ORC4: variants seen among roughly 807,000 people sequenced by gnomAD.
ORC4 encodes the protein origin recognition complex, subunit 4 homolog.
Under a neutral mutation model 63.9 loss-of-function variants are expected in ORC4, and 55 were observed. That is an observed-to-expected ratio of 0.86 (90% CI 0.69 to 1.08). The LOEUF is 1.08. ORC4 is among the 50% of genes least tolerant of loss of function. The pLI is 0.00. For synonymous variants in ORC4, 150 were observed against 168.5 expected, an observed-to-expected ratio of 0.89 and a Z score of 0.85; for missense variants, 511 against 504.4, an observed-to-expected ratio of 1.01 and a Z score of -0.13.
At chr2:147,972,154 G>T (rs1211170505) in intron 4 of ORC4, among the ~76,000 whole-genome samples, 1 of 152,050 alleles carries the variant, frequency 6.6e-6, no homozygotes, top group Non-Finnish European at 1.5e-5. Flanking sequence ...AGGGAAATAA[G>T]TAAGAATATC....
chr2:147,997,382 T>C lies in ORC4; in HGVS notation c.-17-21407A>G, dbSNP rs570958106. 3.9e-5 allele frequency among the ~76,000 whole-genome samples: 6 copies of C among 152,258 alleles called. No individual in the cohort carries two copies. In the South Asian group the frequency reaches 1.2e-3, roughly 32 times the overall value. On this transcript the variant is annotated intron_variant, in intron 1 of 13. Coordinates refer to ENST00000392857, the MANE Select transcript of ORC4 (RefSeq NM_181741.4). ...ACAAAACAAAGAATGAATTTATTCA[T>C]ATGTTTGTCGTTTTTAAAGAAATAA...
chr2:147,964,864 A>C (rs1689808979), intron 4 of ORC4, among the ~76,000 whole-genome samples: 1 of 152,202 alleles, frequency 6.6e-6, no homozygotes, highest in Non-Finnish European at 1.5e-5. Flanking sequence ...AATATACAAC[A>C]GCAGATTTCT....
chr2:147,957,289 A>G (rs1024070225), intron 6 of ORC4, among the ~76,000 whole-genome samples: 2 of 149,004 alleles, frequency 1.3e-5, no homozygotes, highest in Non-Finnish European at 3.0e-5. Context: ...AATTTTATAG[A>G]TTGATTATTA....
At chr2:147,998,812 G>A (rs1692132895) in intron 1 of ORC4, among the ~76,000 whole-genome samples, 1 of 152,150 alleles carries the variant, frequency 6.6e-6, no homozygotes. Context: ...GAGGTGAGGA[G>A]AGATATGGGA....
chr2:147,952,436 A>T lies in ORC4; in HGVS notation c.525T>A (p.Asn175Lys). The change falls in exon 8 of 14, where the codon AAT (asparagine) becomes AAA (lysine). Residue 175 changes from asparagine (N) to lysine (K), a missense_variant. By Grantham distance (94) the Asn-to-Lys change is moderately conservative. Coordinates refer to ENST00000392857, the MANE Select transcript of ORC4 (RefSeq NM_181741.4). ...GTGCAGACTGAGAAATGTCAAAAAG[A>T]TTATAGAGAAGTGTTTGGTTTTTAT... ...AHHKNQTLLY[N>K]LFDISQSAQT... 1 of 1,610,814 alleles carries T rather than the reference A, an allele frequency of 6.2e-7. No individual in the cohort carries two copies. The highest frequency in any genetic ancestry group is 1.1e-5 in the South Asian group (1 of 91,014).
In ORC4 at chr2:147,931,375, A is replaced by G. The variant is rs1211037865; in HGVS notation, c.*4135T>C. 6.6e-6 allele frequency: 1 copy of G among 152,026 alleles called. No individual in the cohort carries two copies. The highest frequency in any genetic ancestry group is 2.4e-5 in the African/African-American group (1 of 41,384). 9.4% of individuals were successfully genotyped at this position (152,026 alleles called of 1,614,324 possible). ...ATAGTCCTTTGGGTATATACCCAGT[A>G]ATGGGATGGCTGGGTCAAATGGTGT... On this transcript the variant is annotated 3_prime_UTR_variant, in exon 14 of 14. Transcript: ENST00000392857.
chr2:148,016,887 G>C (rs184400184), intron 1 of ORC4, among the ~76,000 whole-genome samples: 1 of 152,126 alleles, frequency 6.6e-6, no homozygotes, highest in East Asian at 1.9e-4. Flanking sequence ...ACCAAAAACA[G>C]TGAAATGTTA....
intron 13 of ORC4, 135 bp from the exon 14 acceptor site, chr2:147,935,833 A>C (rs541775290): frequency 2.9e-6 from 2 of 687,594 alleles, no homozygotes; most frequent in African/African-American, 3.6e-5. Context: ...ACAACAATCA[A>C]TAGGATTAAA....
chr2:148,001,525 G>A (rs1301302162), intron 1 of ORC4, among the ~76,000 whole-genome samples: 3 of 152,048 alleles, frequency 2.0e-5, no homozygotes, highest in African/African-American at 7.2e-5. Flanking sequence ...CATAAGTGAA[G>A]GATAAATAAA....
intron 1 of ORC4, among the ~76,000 whole-genome samples, chr2:148,005,499 G>A (rs768102573): frequency 1.3e-5 from 2 of 151,762 alleles, no homozygotes; most frequent in Non-Finnish European, 2.9e-5. Context: ...AAACCTACAT[G>A]TTCTGCACAT....
At chr2:147,995,740 G>C (rs1463409051) in intron 1 of ORC4, among the ~76,000 whole-genome samples, 2 of 151,916 alleles carry the variant, frequency 1.3e-5, no homozygotes, top group Non-Finnish European at 2.9e-5. Flanking sequence ...CCAATGGAAG[G>C]AAGAAACTCC....
intron 13 of ORC4, chr2:147,936,616 G>A (rs1377723853): frequency 6.6e-6 from 1 of 152,134 alleles, no homozygotes; most frequent in Non-Finnish European, 1.5e-5. Context: ...GAAAATACTG[G>A]AGGCTGCAGG....
intron 1 of ORC4, among the ~76,000 whole-genome samples, chr2:148,014,335 T>A (rs1693140169): frequency 6.6e-6 from 1 of 152,180 alleles, no homozygotes; most frequent in South Asian, 2.1e-4. Context: ...GAATTCATGA[T>A]CTTAAAGTCT....
chr2:147,979,758 A>G (rs1447858370), intron 1 of ORC4, among the ~76,000 whole-genome samples: 1 of 152,194 alleles, frequency 6.6e-6, no homozygotes, highest in Admixed American at 6.5e-5. Flanking sequence ...TACAGAGTCG[A>G]GAAATAAATC....
intron 1 of ORC4, among the ~76,000 whole-genome samples, chr2:147,989,003 TTCTGTAAATAATG>T (rs1386074653): frequency 6.6e-6 from 1 of 152,124 alleles, no homozygotes; most frequent in Non-Finnish European, 1.5e-5. Flanking sequence ...TCACAAATAT[TTCTGTAAATAATG>T]TAAGTTTTAT....
chr2:147,994,967 C>T (rs753309072), intron 1 of ORC4, among the ~76,000 whole-genome samples: 1 of 152,192 alleles, frequency 6.6e-6, no homozygotes, highest in African/African-American at 2.4e-5. Flanking sequence ...GGGACTTGGA[C>T]AACTTTTCTG....
rs201217453 is a variant in ORC4 at position 147,938,229 on chromosome 2, T to C, written c.1055-16A>G. 143 of 1,609,310 alleles carry C rather than the reference T, an allele frequency of 8.9e-5. No homozygotes were observed. The highest frequency in any genetic ancestry group is 1.2e-4 in the Non-Finnish European group (141 of 1,175,908). ...TTCTGAAACTCTGAGTAGAAAGCAA[T>C]GACAACATTATACCTTCAAATAAGC... On this transcript the variant is annotated splice_polypyrimidine_tract_variant and intron_variant, in intron 12 of 13. Coordinates refer to ENST00000392857, the MANE Select transcript of ORC4 (RefSeq NM_181741.4).
At chr2:148,021,454 CTGCTGCTGTTGCTGCTGCTGCTGCTGT>C (rs1244500381), upstream of ORC4, 1 of 574,790 alleles carries the variant, frequency 1.7e-6, no homozygotes, top group Admixed American at 2.2e-5. Flanking sequence ...AGACCCTTTG[CTGCTGCTGTTGCTGCTGCTGCTGCTGT>C]TGCTGCTGCT....
At chr2:147,964,672 T>C (rs1011805786) in intron 4 of ORC4, among the ~76,000 whole-genome samples, 2 of 152,170 alleles carry the variant, frequency 1.3e-5, no homozygotes. Context: ...AGACAAATAA[T>C]TAAAGCAGCA....
Sources: allele counts gnomAD v4.1 joint callset (sites outside exome capture counted in the v4.1 genomes callset), GRCh38; gene constraint gnomAD v4.1.1; transcripts MANE v1.5; gene names NCBI Gene and HGNC (gene_info 2026-07-23, HGNC 2026-07-21).